NR2C2: variants seen among roughly 807,000 people sequenced by gnomAD.
NR2C2 encodes the protein Nuclear hormone receptor TR4.
A neutral mutation model predicts 62.9 loss-of-function variants in NR2C2; 6 were observed. The observed-to-expected ratio is 0.10, with a 90% CI of 0.05 to 0.19. NR2C2 has a LOEUF of 0.19. Among genes scored for constraint, NR2C2 ranks in the 10% least tolerant of loss-of-function variants. NR2C2 has a pLI of 1.00. For synonymous variants in NR2C2, 272 were observed against 273.8 expected (o/e 0.99, Z 0.07); for missense variants, 479 against 762.7 (o/e 0.63, Z 4.38).
At chr3:15,024,932 T>TGGGTG (rs1402532219) in intron 7 of NR2C2, among the ~76,000 whole-genome samples, 1 of 152,212 alleles carries the variant, frequency 6.6e-6, no homozygotes. Flanking sequence ...GTCTCATTCA[T>TGGGTG]GGGTGTACTC....
chr3:15,013,556 C>T, intron 2 of NR2C2, 33 bp from the exon 3 acceptor site: 1 of 1,597,680 alleles, frequency 6.3e-7, no homozygotes, highest in Non-Finnish European at 8.6e-7. Context: ...TTGTGACACT[C>T]CATGAGAGCA....
intron 1 of NR2C2, among the ~76,000 whole-genome samples, chr3:14,969,154 AG>A (rs2039958042): frequency 6.6e-6 from 1 of 152,142 alleles, no homozygotes; most frequent in South Asian, 2.1e-4. Context: ...AATTAAAAAA[AG>A]AAAAAAAAAT....
intron 1 of NR2C2, among the ~76,000 whole-genome samples, chr3:14,970,855 T>G (rs556483848): frequency 3.3e-5 from 5 of 152,254 alleles, no homozygotes; most frequent in African/African-American, 1.2e-4. Context: ...ACTCAACTTA[T>G]GATGGTTCAA....
intron 8 of NR2C2, among the ~76,000 whole-genome samples, chr3:15,028,959 T>A (rs1033236594): frequency 2.0e-5 from 3 of 152,338 alleles, no homozygotes; most frequent in African/African-American, 7.2e-5. Flanking sequence ...AAAAGGAAAT[T>A]GAGTAAATCA....
At chr3:14,968,990 G>A (rs1458591238) in intron 1 of NR2C2, among the ~76,000 whole-genome samples, 6 of 127,546 alleles carry the variant, frequency 4.7e-5, no homozygotes, top group Admixed American at 3.4e-4. Flanking sequence ...CTGTTGTGGG[G>A]TGGGGGGAGG....
At chr3:15,022,516 C>T (rs2041701599) in intron 5 of NR2C2, among the ~76,000 whole-genome samples, 1 of 150,426 alleles carries the variant, frequency 6.6e-6, no homozygotes, top group Non-Finnish European at 1.5e-5. Context: ...GCAATTCTCC[C>T]TGCCTCAGCC....
intron 1 of NR2C2, among the ~76,000 whole-genome samples, chr3:14,965,050 G>A (rs1193106431): frequency 6.6e-6 from 1 of 152,258 alleles, no homozygotes; most frequent in Admixed American, 6.5e-5. Flanking sequence ...TTGGCATGTG[G>A]TGGGGGAAGC....
At position 14,953,261 on chromosome 3, in the gene NR2C2, A is replaced by G. The variant is rs1482555723; in HGVS notation, c.-40+5355A>G. On this transcript the variant is annotated intron_variant, in intron 1 of 13. Coordinates refer to ENST00000425241, the MANE Select transcript of NR2C2 (RefSeq NM_001291694.2). ...CCTTTAATAGGAGGTGAAACTTTCT[A>G]TTCCATAATTATTAACAGTTACCTC... 2.6e-5 allele frequency among the ~76,000 whole-genome samples: 4 copies of G among 152,248 alleles called. No homozygotes were observed. In the East Asian group the frequency reaches 5.8e-4, roughly 22 times the overall value.
intron 11 of NR2C2, 81 bp from the exon 12 acceptor site, chr3:15,037,919 C>A: frequency 7.2e-7 from 1 of 1,388,414 alleles, no homozygotes; most frequent in South Asian, 1.4e-5. Flanking sequence ...GGTCCCATTT[C>A]TTTCCATATG....
chr3:15,017,628 G>A (rs981816505), intron 4 of NR2C2, among the ~76,000 whole-genome samples: 2 of 152,178 alleles, frequency 1.3e-5, no homozygotes, highest in South Asian at 4.1e-4. Flanking sequence ...CAGGCTCTTG[G>A]TGCCATTGTC....
chr3:14,986,026 A>T (rs887775684), intron 1 of NR2C2, among the ~76,000 whole-genome samples: 2 of 152,178 alleles, frequency 1.3e-5, no homozygotes, highest in Non-Finnish European at 2.9e-5. Flanking sequence ...TTATTAATTC[A>T]GCAGGTATGC....
At chr3:15,028,550 T>C (rs1342228802) in intron 7 of NR2C2, 36 bp from the exon 8 acceptor site, 2 of 1,596,772 alleles carry the variant, frequency 1.3e-6, no homozygotes, top group East Asian at 2.2e-5. Flanking sequence ...TGCGTATCTG[T>C]GTTCATTTTT....
At chr3:14,951,455 T>C (rs1040798727) in intron 1 of NR2C2, among the ~76,000 whole-genome samples, 10 of 152,198 alleles carry the variant, frequency 6.6e-5, no homozygotes, top group African/African-American at 1.9e-4. Context: ...GATATTGTTA[T>C]GGTATTTTAA....
At chr3:14,991,148 G>A (rs1010388017) in intron 1 of NR2C2, among the ~76,000 whole-genome samples, 13 of 152,180 alleles carry the variant, frequency 8.5e-5, no homozygotes, top group Middle Eastern at 3.4e-3. Context: ...TTCAAAACTG[G>A]CTAATGAATT....
chr3:14,947,758 C>T lies in NR2C2; in HGVS notation c.-188C>T, dbSNP rs2039163253. The T allele has an allele frequency of 2.0e-5, 3 of 149,928 alleles. No individual in the cohort carries two copies. The highest frequency in any genetic ancestry group is 2.0e-4 in the Admixed American group (3 of 15,090). 9.3% of individuals were successfully genotyped at this position (149,928 alleles called of 1,614,324 possible). A position where few individuals can be genotyped will look rare whatever the true frequency, so the allele number is the denominator to read the frequency against. ...TCCCACCTCGGCGTCTCGTCTCTCG[C>T]CCGCTGCCCCGCGAGCCCGCGGCCC... On this transcript the variant is annotated 5_prime_UTR_variant, in exon 1 of 14. Transcript: ENST00000425241.
intron 1 of NR2C2, among the ~76,000 whole-genome samples, chr3:14,985,394 A>G (rs972094781): frequency 1.3e-5 from 2 of 152,102 alleles, no homozygotes; most frequent in African/African-American, 4.8e-5. Context: ...TAAAAGTTTT[A>G]TAGCTCTAGG....
intron 1 of NR2C2, among the ~76,000 whole-genome samples, chr3:14,992,921 G>GTGT (rs2040711171): frequency 6.6e-6 from 1 of 152,190 alleles, no homozygotes; most frequent in African/African-American, 2.4e-5. Context: ...ACACACCTGG[G>GTGT]TGTTGTCAGG....
intron 7 of NR2C2, 65 bp downstream of exon 7, chr3:15,024,273 T>C: frequency 9.1e-7 from 1 of 1,097,832 alleles, no homozygotes; most frequent in Non-Finnish European, 1.3e-6. Flanking sequence ...CTTCTCTAAC[T>C]GTGTGCACCA....
intron 1 of NR2C2, among the ~76,000 whole-genome samples, chr3:15,000,812 A>AG (rs1340767928): frequency 2.9e-5 from 4 of 138,678 alleles, no homozygotes; most frequent in Admixed American, 2.3e-4. Flanking sequence ...CTATTTATTT[A>AG]GGTTTTTTTT....
Sources: gnomAD v4.1 joint callset for allele counts (sites outside exome capture counted in the v4.1 genomes callset) on GRCh38, gnomAD v4.1.1 for gene constraint, MANE v1.5 for transcripts, NCBI Gene and HGNC (gene_info 2026-07-23, HGNC 2026-07-21) for gene names.